NUMBL: variants seen among roughly 807,000 people sequenced by gnomAD.
The protein encoded by NUMBL is numb-like protein.
A neutral mutation model predicts 48.9 loss-of-function variants in NUMBL; 20 were observed. That is an observed-to-expected ratio of 0.41 (90% CI 0.29 to 0.59). NUMBL has a LOEUF of 0.59. NUMBL is among the 20% of genes least tolerant of loss of function. The pLI, the probability that NUMBL is intolerant of heterozygous loss-of-function variation, is 0.31. For missense variants in NUMBL, 660 were observed against 846.2 expected, an observed-to-expected ratio of 0.78 and a Z score of 2.73; for synonymous variants, 340 against 348.7, an observed-to-expected ratio of 0.98 and a Z score of 0.28.
chr19:40,687,005 T>A lies in NUMBL; in HGVS notation c.25-10A>T, dbSNP rs1445748550. 1 of 1,485,332 alleles carries A rather than the reference T, an allele frequency of 6.7e-7. No individual in the cohort carries two copies. Among genetic ancestry groups the A allele is most frequent in the Non-Finnish European group, 8.9e-7 (1 of 1,119,470 alleles). The allele number at this position is 1,485,332 out of a possible 1,614,324, so 92.0% of individuals were successfully genotyped here. On this transcript the variant is annotated splice_polypyrimidine_tract_variant and intron_variant, in intron 1 of 9. Transcript: ENST00000252891. The surrounding 1 kb of genome is among the most constrained non-coding windows in gnomAD (Gnocchi z 4.6). ...GCCTCCGGGGTCCGCCCTGCCCGAG[T>A]AGGGGAGGAGAAGGTGAGAAGTTTG...
At chr19:40,668,185 C>A in intron 9 of NUMBL, 47 bp from the exon 10 acceptor site, 1 of 1,526,908 alleles carries the variant, frequency 6.5e-7, no homozygotes, top group South Asian at 1.3e-5. Flanking sequence ...ACGGCTTCAG[C>A]AGAAGAACCC....
chr19:40,673,261 G>T lies in NUMBL; in HGVS notation c.1036+83C>A. The T allele has an allele frequency of 1.5e-6, 2 of 1,362,278 alleles. No individual in the cohort carries two copies. The highest frequency in any genetic ancestry group is 2.5e-5 in the East Asian group (1 of 40,272). The allele number at this position is 1,362,278 out of a possible 1,614,324, so 84.4% of individuals were successfully genotyped here. On this transcript the variant is annotated intron_variant, in intron 8 of 9. Coordinates refer to ENST00000252891, the MANE Select transcript of NUMBL (RefSeq NM_004756.5). The surrounding 1 kb of genome is among the most constrained non-coding windows in gnomAD (Gnocchi z 5.9). ...AGACAGTGCAAATCAATCACAGTGTGAACCATCTCGCCTCCATCCCTTGCC... is the reference window on the plus strand; with the variant it reads ...AGACAGTGCAAATCAATCACAGTGTTAACCATCTCGCCTCCATCCCTTGCC...
rs568894136 is a variant in NUMBL at position 40,667,389 on chromosome 19, CAG to C, written c.*77_*78del. The C allele has an allele frequency of 1.3e-4, 206 of 1,545,108 alleles. No homozygotes were observed. The African/African-American group carries it at 2.6e-3, about 20-fold the overall frequency. On this transcript the variant is annotated 3_prime_UTR_variant, in exon 10 of 10. Coordinates refer to ENST00000252891, the MANE Select transcript of NUMBL (RefSeq NM_004756.5). The surrounding 1 kb of genome is among the most constrained non-coding windows in gnomAD (Gnocchi z 6.1). ...TGTTGAGGGGCGCAGCCCCAGGGAG[CAG>C]GGTTAGGGGAGAGGTTGTGCCTCCA...
chr19:40,677,504 G>A, intron 6 of NUMBL, 83 bp from the exon 7 acceptor site: 1 of 1,305,932 alleles, frequency 7.7e-7, no homozygotes, highest in Non-Finnish European at 1.0e-6. Flanking sequence ...TAGCCGCTAG[G>A]TACTGGGTTG....
chr19:40,684,892 C>T, intron 2 of NUMBL: 1 of 286,328 alleles, frequency 3.5e-6, no homozygotes, highest in Non-Finnish European at 6.6e-6. Context: ...TCCTCATTCC[C>T]AGGGCCGTGA....
intron 9 of NUMBL, among the ~76,000 whole-genome samples, chr19:40,669,064 A>G (rs984121910): frequency 6.6e-6 from 1 of 152,078 alleles, no homozygotes; most frequent in African/African-American, 2.4e-5. Flanking sequence ...CCAAGATTCT[A>G]GCATGAGCAC....
At position 40,673,858 on chromosome 19, in the gene NUMBL, C is replaced by T. The variant is rs140584224; in HGVS notation, c.731-209G>A. Among the ~76,000 whole-genome samples, 1 of 152,248 alleles carries T rather than the reference C, an allele frequency of 6.6e-6. No homozygotes were observed. The highest frequency in any genetic ancestry group is 1.9e-4 in the East Asian group (1 of 5,170). ...AGGAGGCTCTTGGAAAACCGTCCCC[C>T]AGGCTCACCCTCTGTGTCTCTCCAG... On this transcript the variant is annotated intron_variant, in intron 7 of 9. Transcript: ENST00000252891. This position sits in a 1 kb window ranked among gnomAD's most constrained non-coding sequence, Gnocchi z 5.9.
At chr19:40,674,758 T>C (rs2081865797) in intron 7 of NUMBL, among the ~76,000 whole-genome samples, 1 of 152,110 alleles carries the variant, frequency 6.6e-6, no homozygotes, top group South Asian at 2.1e-4. Context: ...GTTTGCCAAC[T>C]AGAAACCTGG....
Position 40,670,007 on chromosome 19 carries a change from C to A in NUMBL, c.1050G>T (p.Glu350Asp). ...TGTCACTGTCGCCGGCACCAGGAGG[C>A]TCCATCTCAGGCACTGGGAAGCAGG... ...FQVKGTVPEM[E>D]PPGAGDSDSI... Residue 350 changes from glutamate (E) to aspartate (D), a missense_variant, in exon 9 of 10, where the codon GAG becomes GAT. By Grantham distance (45) the Glu-to-Asp change is conservative. Coordinates refer to ENST00000252891, the MANE Select transcript of NUMBL (RefSeq NM_004756.5). 1.9e-6 allele frequency: 3 copies of A among 1,613,738 alleles called. No individual in the cohort carries two copies. The highest frequency in any genetic ancestry group is 2.5e-6 in the Non-Finnish European group (3 of 1,179,808).
In NUMBL at chr19:40,677,264, GGCC is replaced by G; in HGVS notation, c.695_697del (p.Arg232del). The G allele has an allele frequency of 1.3e-6, 2 of 1,587,806 alleles. No individual in the cohort carries two copies. The highest frequency in any genetic ancestry group is 1.7e-6 in the Non-Finnish European group (2 of 1,167,964). ...CTTGTCCGGGGCCTCTCGCTCAGCA[GGCC>G]GCCCACCCCCAGACAGGCGGAAGGA... On this transcript the variant is annotated inframe_deletion, in exon 7 of 10. Coordinates refer to ENST00000252891, the MANE Select transcript of NUMBL (RefSeq NM_004756.5).
intron 6 of NUMBL, among the ~76,000 whole-genome samples, 169 bp from the exon 7 acceptor site, chr19:40,677,590 C>T (rs1268512817): frequency 1.3e-5 from 2 of 152,150 alleles, no homozygotes; most frequent in Non-Finnish European, 2.9e-5. Flanking sequence ...AATGACAGCT[C>T]CAAGTGAGAG....
intron 7 of NUMBL, among the ~76,000 whole-genome samples, chr19:40,675,576 AACACACACAC>A (rs3071383): frequency 2.3e-4 from 33 of 142,392 alleles, no homozygotes; most frequent in African/African-American, 6.2e-4. Context: ...TTATATTTTA[AACACACACAC>A]ACACACACAC....
At chr19:40,685,858 G>A (rs1204352562) in intron 2 of NUMBL, 1 of 153,326 alleles carries the variant, frequency 6.5e-6, no homozygotes, top group Non-Finnish European at 1.5e-5. Context: ...TGTTGCCTTA[G>A]AGTGTGGGTG....
In NUMBL at chr19:40,666,175, T is replaced by C. The variant is rs1599897815; in HGVS notation, c.*1293A>G. The C allele has an allele frequency of 7.0e-6, 1 of 142,206 alleles. No individual in the cohort carries two copies. Among genetic ancestry groups the C allele is most frequent in the African/African-American group, 2.6e-5 (1 of 37,868 alleles). 8.8% of individuals were successfully genotyped at this position (142,206 alleles called of 1,614,324 possible). Reference sequence around the variant, plus strand: ...TTTGTTTTTTTTTTTTGAGACAGAGTCTCATTCTGTTGCCCAGGCAGGAGT... The same window carrying C: ...TTTGTTTTTTTTTTTTGAGACAGAGCCTCATTCTGTTGCCCAGGCAGGAGT... On this transcript the variant is annotated 3_prime_UTR_variant, in exon 10 of 10. Coordinates refer to ENST00000252891, the MANE Select transcript of NUMBL (RefSeq NM_004756.5).
At chr19:40,679,382 A>C (rs978700345) in intron 6 of NUMBL, among the ~76,000 whole-genome samples, 1 of 152,116 alleles carries the variant, frequency 6.6e-6, no homozygotes, top group African/African-American at 2.4e-5. Flanking sequence ...CATTAAATAA[A>C]TTAATTAAAA....
intron 6 of NUMBL, among the ~76,000 whole-genome samples, chr19:40,678,012 A>G (rs2081887018): frequency 6.6e-6 from 1 of 152,140 alleles, no homozygotes; most frequent in Admixed American, 6.5e-5. Context: ...AGGCTTGTGC[A>G]TTGCTATAGA....
rs1452527708 is a variant in NUMBL at position 40,688,729 on chromosome 19, G to A, written c.24+1731C>T. On this transcript the variant is annotated intron_variant, in intron 1 of 9. Transcript: ENST00000252891. The surrounding 1 kb of genome is among the most constrained non-coding windows in gnomAD (Gnocchi z 4.6). The stretch of plus-strand genomic sequence containing the variant: ...AAACATAATTTCCTGGCACCAGCAC[G>A]GAGACACATCCACAGCTTTAGTCAC... 6.6e-6 allele frequency among the ~76,000 whole-genome samples: 1 copy of A among 152,128 alleles called. No individual in the cohort carries two copies.
In NUMBL at chr19:40,688,576, G is replaced by A. The variant is rs60529488; in HGVS notation, c.25-1581C>T. On this transcript the variant is annotated intron_variant, in intron 1 of 9. Coordinates refer to ENST00000252891, the MANE Select transcript of NUMBL (RefSeq NM_004756.5). The surrounding 1 kb of genome is among the most constrained non-coding windows in gnomAD (Gnocchi z 4.6). The stretch of plus-strand genomic sequence containing the variant: ...GCACATACACACAGAGACAAAAACA[G>A]GCACACAGCTACAGACCCCACACTC... Among the ~76,000 whole-genome samples the A allele has an allele frequency of 6.6e-6, 1 of 152,064 alleles. No homozygotes were observed. Among genetic ancestry groups the A allele is most frequent in the African/African-American group, 2.4e-5 (1 of 41,378 alleles).
At chr19:40,675,149 A>T (rs921884209) in intron 7 of NUMBL, among the ~76,000 whole-genome samples, 2 of 136,258 alleles carry the variant, frequency 1.5e-5, no homozygotes, top group Non-Finnish European at 3.2e-5. Flanking sequence ...TCTCAAAAAA[A>T]AAAAAAAAAA....
Sources: allele counts gnomAD v4.1 joint callset (sites outside exome capture counted in the v4.1 genomes callset), GRCh38; gene constraint gnomAD v4.1.1; non-coding constraint Gnocchi (gnomAD v3.1); transcripts MANE v1.5; gene names NCBI Gene and HGNC (gene_info 2026-07-23, HGNC 2026-07-21).